Variants in SHISAL2B observed in about 807,000 individuals in gnomAD.
The protein encoded by SHISAL2B is protein shisa-like-2B.
SHISAL2B carries 12 observed loss-of-function variants against 16.5 expected under a neutral mutation model. That is an observed-to-expected ratio of 0.73 (90% confidence interval 0.47 to 1.18). The LOEUF is 1.18. SHISAL2B is among the 50% of genes most tolerant of loss of function. The pLI is 0.00. For synonymous variants in SHISAL2B, 72 were observed against 75.0 expected, an observed-to-expected ratio of 0.96 and a Z score of 0.21; for missense variants, 183 against 193.6, an observed-to-expected ratio of 0.95 and a Z score of 0.33.
intron 2 of SHISAL2B, among the ~76,000 whole-genome samples, chr5:64,714,352 G>T (rs1256040631): frequency 6.9e-6 from 1 of 144,978 alleles, no homozygotes; most frequent in South Asian, 2.3e-4. Context: ...TAGGTTGCTC[G>T]GGGGTCAGGG....
intron 2 of SHISAL2B, among the ~76,000 whole-genome samples, chr5:64,715,082 A>T (rs935443437): frequency 1.3e-5 from 2 of 152,098 alleles, no homozygotes; most frequent in African/African-American, 4.8e-5. Flanking sequence ...ATCTTTCAAA[A>T]CTTGTAAATA....
chr5:64,699,756 T>G (rs1741783278), intron 2 of SHISAL2B, among the ~76,000 whole-genome samples: 1 of 152,206 alleles, frequency 6.6e-6, no homozygotes, highest in Admixed American at 6.5e-5. Flanking sequence ...GACACTGAAC[T>G]TTTTTCCCTC....
intron 2 of SHISAL2B, among the ~76,000 whole-genome samples, chr5:64,700,250 T>C (rs1233375825): frequency 6.6e-6 from 1 of 152,116 alleles, no homozygotes; most frequent in African/African-American, 2.4e-5. Flanking sequence ...CTTCTCAAAC[T>C]TTTCCACCAG....
intron 2 of SHISAL2B, among the ~76,000 whole-genome samples, chr5:64,697,880 T>A (rs1049911932): frequency 6.6e-6 from 1 of 152,230 alleles, no homozygotes; most frequent in Non-Finnish European, 1.5e-5. Context: ...ATCACCACTG[T>A]GTGATTGCAT....
At position 64,714,647 on chromosome 5, in the gene SHISAL2B, C is replaced by G. The variant is rs796768697; in HGVS notation, c.350-3242C>G. On this transcript the variant is annotated intron_variant, in intron 2 of 2. Coordinates refer to ENST00000389074, the MANE Select transcript of SHISAL2B (RefSeq NM_001164442.2). ...GGCGCCCCTCCCCCAGCCTGGCTGC[C>G]GCCTTGCAGTTTGATCTCAGACTGC... Among the ~76,000 whole-genome samples the G allele has an allele frequency of 5.5e-3, 839 of 152,208 alleles. 5 individuals carry two copies. The highest frequency in any genetic ancestry group is 0.029 in the South Asian group (138 of 4,812).
Position 64,718,084 on chromosome 5 carries a change from C to T in SHISAL2B, c.*62C>T, listed in dbSNP as rs2112077836. 7.3e-7 allele frequency: 1 copy of T among 1,366,546 alleles called. No individual in the cohort carries two copies. Among genetic ancestry groups the T allele is most frequent in the Non-Finnish European group, 9.5e-7 (1 of 1,049,764 alleles). 84.7% of individuals were successfully genotyped at this position (1,366,546 alleles called of 1,614,324 possible). ...TGGGACAATAAAAATAAAGCGTGCA[C>T]TTGAAACGGTTTGTAATATTGCTTT... On this transcript the variant is annotated 3_prime_UTR_variant, in exon 3 of 3. Transcript: ENST00000389074.
Position 64,690,607 on chromosome 5 carries a change from C to T in SHISAL2B, c.-17C>T. 1 of 1,466,542 alleles carries T rather than the reference C, an allele frequency of 6.8e-7. No individual in the cohort carries two copies. The highest frequency in any genetic ancestry group is 2.6e-5 in the East Asian group (1 of 38,592). 90.8% of individuals were successfully genotyped at this position (1,466,542 alleles called of 1,614,324 possible). Reference sequence around the variant, plus strand: ...CAGACCGGGGCCCTCGCGAGCCTCTCCCGGCCCCTGCCCGCGATGAGCGAG... The same window carrying T: ...CAGACCGGGGCCCTCGCGAGCCTCTTCCGGCCCCTGCCCGCGATGAGCGAG... On this transcript the variant is annotated 5_prime_UTR_variant, in exon 1 of 3. Coordinates refer to ENST00000389074, the MANE Select transcript of SHISAL2B (RefSeq NM_001164442.2).
intron 2 of SHISAL2B, among the ~76,000 whole-genome samples, chr5:64,715,025 T>C (rs1742025051): frequency 6.6e-6 from 1 of 152,158 alleles, no homozygotes; most frequent in Non-Finnish European, 1.5e-5. Context: ...CTGGGAGCTG[T>C]AGACCGGAGC....
chr5:64,691,374 A>AGTGGGTGTGT (rs149486840), intron 1 of SHISAL2B: 2 of 140,212 alleles, frequency 1.4e-5, no homozygotes, highest in Non-Finnish European at 3.0e-5. Context: ...TATTTTTAAA[A>AGTGGGTGTGT]GTGTGTGTGT....
chr5:64,698,784 C>T (rs1394178358), intron 2 of SHISAL2B, among the ~76,000 whole-genome samples: 1 of 152,100 alleles, frequency 6.6e-6, no homozygotes, highest in African/African-American at 2.4e-5. Flanking sequence ...CTACTGTATC[C>T]CCAGTGCCTA....
chr5:64,701,550 G>C (rs992096064), intron 2 of SHISAL2B, among the ~76,000 whole-genome samples: 1 of 152,128 alleles, frequency 6.6e-6, no homozygotes, highest in Non-Finnish European at 1.5e-5. Context: ...CTGGGGGAAG[G>C]AGCAAAGAGA....
intron 2 of SHISAL2B, among the ~76,000 whole-genome samples, chr5:64,714,359 A>G (rs888457633): frequency 1.2e-4 from 18 of 145,622 alleles, no homozygotes; most frequent in African/African-American, 4.9e-4. Flanking sequence ...CTCGGGGGTC[A>G]GGGGTCAGGG....
chr5:64,717,997 C>T lies in SHISAL2B; in HGVS notation c.458C>T (p.Ala153Val). Reference sequence around the variant, plus strand: ...ATAATTCAAGAAAAAACAATGGATGCAACACAAATCCACATTGCTTATTAA... The same window carrying T: ...ATAATTCAAGAAAAAACAATGGATGTAACACAAATCCACATTGCTTATTAA... ...DDIIQEKTMD[A>V]TQIHIAY is the part of the protein sequence containing the mutation. The change falls in exon 3 of 3, where the codon GCA becomes GTA. Residue 153 changes from alanine (A) to valine (V), a missense_variant. Physicochemically the swap from Ala to Val is moderately conservative, Grantham distance 64. Transcript: ENST00000389074. 6.6e-7 allele frequency: 1 copy of T among 1,515,870 alleles called. No individual in the cohort carries two copies. Among genetic ancestry groups the T allele is most frequent in the Admixed American group, 2.3e-5 (1 of 43,478 alleles). 93.9% of individuals were successfully genotyped at this position (1,515,870 alleles called of 1,614,324 possible).
intron 2 of SHISAL2B, among the ~76,000 whole-genome samples, chr5:64,711,229 T>C (rs2112070927): frequency 7.2e-6 from 1 of 139,490 alleles, no homozygotes; most frequent in South Asian, 2.3e-4. Context: ...CCTAATTTAT[T>C]GAGAGTTTTT....
intron 2 of SHISAL2B, among the ~76,000 whole-genome samples, chr5:64,702,176 A>G (rs1393560971): frequency 1.3e-5 from 2 of 152,102 alleles, no homozygotes; most frequent in African/African-American, 2.4e-5. Flanking sequence ...ATTTTCTAGT[A>G]TAGTTAATTT....
intron 2 of SHISAL2B, among the ~76,000 whole-genome samples, chr5:64,712,293 T>C (rs1443194366): frequency 6.6e-6 from 1 of 152,124 alleles, no homozygotes; most frequent in Non-Finnish European, 1.5e-5. Flanking sequence ...CATTTCGTTA[T>C]GTACCCAGTA....
intron 2 of SHISAL2B, among the ~76,000 whole-genome samples, chr5:64,716,627 C>T (rs543822944): frequency 6.6e-6 from 1 of 152,084 alleles, no homozygotes; most frequent in East Asian, 1.9e-4. Context: ...TGAGGAAGGA[C>T]TTGGAAAAAA....
chr5:64,700,317 C>T (rs779572465), intron 2 of SHISAL2B, among the ~76,000 whole-genome samples: 1 of 152,156 alleles, frequency 6.6e-6, no homozygotes, highest in Non-Finnish European at 1.5e-5. Context: ...GGTTCGAAGA[C>T]CCCCTGTGGA....
In SHISAL2B at chr5:64,711,267, A is replaced by G. The variant is rs990084824; in HGVS notation, c.350-6622A>G. On this transcript the variant is annotated intron_variant, in intron 2 of 2. Coordinates refer to ENST00000389074, the MANE Select transcript of SHISAL2B (RefSeq NM_001164442.2). ...CATGAAGGGTTGTTGAATTTTGTCA[A>G]AGGCTTTTTCTGCATGTATTGAGAT... Among the ~76,000 whole-genome samples the G allele has an allele frequency of 8.9e-5, 13 of 145,278 alleles. 1 individual carries two copies. The highest frequency in any genetic ancestry group is 3.6e-4 in the African/African-American group (13 of 35,970).
Sources: allele counts gnomAD v4.1 joint callset (sites outside exome capture counted in the v4.1 genomes callset), GRCh38; gene constraint gnomAD v4.1.1; transcripts MANE v1.5; gene names NCBI Gene and HGNC (gene_info 2026-07-23, HGNC 2026-07-21).